The following ZNF417 variants were observed in gnomAD, a reference collection of about 807,000 sequenced individuals.
The protein encoded by ZNF417 is zinc finger protein 417.
ZNF417 carries 5 observed loss-of-function variants against 7.4 expected under a neutral mutation model. The observed-to-expected ratio is 0.68, with a 90% confidence interval of 0.35 to 1.43. The LOEUF (loss-of-function observed/expected upper bound fraction) is 1.43, where lower values mean the gene tolerates loss of function less well. ZNF417 is among the 40% of genes most tolerant of loss of function. The pLI, the probability that ZNF417 is intolerant of heterozygous loss-of-function variation, is 0.04. For missense variants in ZNF417, 437 were observed against 697.3 expected (o/e 0.63, Z 4.20); for synonymous variants, 147 against 239.1 (o/e 0.61, Z 3.55).
At chr19:57,914,670 C>G (rs2042906) in intron 1 of ZNF417, among the ~76,000 whole-genome samples, 54,060 of 151,954 alleles carry the variant, frequency 0.36, 10,980 homozygotes, top group African/African-American at 0.54. Context: ...GTGTGTGCAC[C>G]AAGGTCCAAC....
intron 2 of ZNF417, among the ~76,000 whole-genome samples, chr19:57,910,796 C>T (rs1030740346): frequency 2.6e-5 from 4 of 152,302 alleles, no homozygotes; most frequent in African/African-American, 9.6e-5. Flanking sequence ...GTAATCCCAG[C>T]ACTTTGCAAG....
At position 57,909,443 on chromosome 19, in the gene ZNF417, G is replaced by A. The variant is rs539665297; in HGVS notation, c.835C>T (p.Arg279Ter). The stretch of plus-strand genomic sequence containing the variant: ...TGATGTTGAATAAGGCTGCTCTTTC[G>A]ACTATAAGATTTCCCACACTCTCCA... Reference protein sequence around the residue: ...DCGECGKSYSRKSSLIQHQRV... With the variant: ...DCGECGKSYS Residue 279 changes from arginine (R) to a stop codon, truncating the protein, a stop_gained, in exon 3 of 3, where the codon CGA (arginine) becomes TGA (stop). Transcript: ENST00000312026. LOFTEE classifies it low-confidence loss of function (END_TRUNC). The A allele has an allele frequency of 1.8e-5, 29 of 1,613,766 alleles. No individual in the cohort carries two copies. The highest frequency in any genetic ancestry group is 6.6e-5 in the South Asian group (6 of 91,070).
intron 1 of ZNF417, chr19:57,915,409 T>G: frequency 2.7e-6 from 1 of 372,210 alleles, no homozygotes; most frequent in Non-Finnish European, 5.0e-6. Flanking sequence ...TCCAGACAGG[T>G]TCCATCCTCC....
intron 1 of ZNF417, among the ~76,000 whole-genome samples, chr19:57,913,004 G>C (rs2071913599): frequency 6.6e-6 from 1 of 151,784 alleles, no homozygotes; most frequent in Non-Finnish European, 1.5e-5. Flanking sequence ...TAACTCTGCT[G>C]GTAGGGATGG....
Position 57,906,729 on chromosome 19 carries a change from T to C in ZNF417, c.*1821A>G. ...TGAGCCGAGACCATGCCATTGCACT[T>C]CAGCCTGGGTGACAGAGTGAGACTC... On this transcript the variant is annotated 3_prime_UTR_variant, in exon 3 of 3. Coordinates refer to ENST00000312026, the MANE Select transcript of ZNF417 (RefSeq NM_152475.3). 1.1e-5 allele frequency: 1 copy of C among 92,218 alleles called. No homozygotes were observed. Among genetic ancestry groups the C allele is most frequent in the African/African-American group, 4.4e-5 (1 of 22,512 alleles). The allele number at this position is 92,218 out of a possible 1,614,324, so 5.7% of individuals were successfully genotyped here. A position where few individuals can be genotyped will look rare whatever the true frequency, so the allele number is the denominator to read the frequency against.
chr19:57,913,723 T>C (rs1346846503), intron 1 of ZNF417, among the ~76,000 whole-genome samples: 1 of 152,186 alleles, frequency 6.6e-6, no homozygotes, highest in African/African-American at 2.4e-5. Context: ...TTCCAAACTC[T>C]ACTGTCTGAT....
chr19:57,911,214 G>T (rs2071896524), intron 2 of ZNF417, among the ~76,000 whole-genome samples: 1 of 152,202 alleles, frequency 6.6e-6, no homozygotes, highest in Non-Finnish European at 1.5e-5. Context: ...TGGGTGAGAT[G>T]TGAGTATTAG....
In ZNF417 at chr19:57,916,395, G is replaced by C. The variant is rs1209929573; in HGVS notation, c.17C>G (p.Pro6Arg). Residue 6 changes from proline to arginine, a missense_variant, in exon 1 of 3, where the codon CCG (proline) becomes CGG (arginine). Pro to Arg is a moderately radical substitution (Grantham distance 103). This residue lies in a region of ZNF417 where 57 missense variants were observed against 70.7 expected (regional missense o/e 0.81). Coordinates refer to ENST00000312026, the MANE Select transcript of ZNF417 (RefSeq NM_152475.3). The stretch of plus-strand genomic sequence containing the variant: ...CACAATTACCTGAGTCGGGCGCCTC[G>C]GCGCAGCCGCTGCCATCGGACTACT... MAAAA[P>R]RRPTQQGTVT... 1 of 1,614,022 alleles carries C rather than the reference G, an allele frequency of 6.2e-7. No individual in the cohort carries two copies. Among genetic ancestry groups the C allele is most frequent in the African/African-American group, 1.3e-5 (1 of 74,958 alleles).
rs1380548813 is a variant in ZNF417, at chr19:57,909,786, C to G, written c.492G>C (p.Arg164Ser). ...GGAAGACAAATGGCTCCTGTGACAC[C>G]CTGAGCTTACGTTTCTTTACAAACG... ...EASFVKKRKLRVSQEPFVFRE... is the reference protein window; with the variant it reads ...EASFVKKRKLSVSQEPFVFRE... The change falls in exon 3 of 3, where the codon AGG becomes AGC. Residue 164 changes from arginine (R) to serine (S), a missense_variant. By Grantham distance (110) the Arg-to-Ser change is moderately radical (BLOSUM62 -1). Coordinates refer to ENST00000312026, the MANE Select transcript of ZNF417 (RefSeq NM_152475.3). 1 of 1,513,442 alleles carries G rather than the reference C, an allele frequency of 6.6e-7. No individual in the cohort carries two copies. The highest frequency in any genetic ancestry group is 1.9e-5 in the Admixed American group (1 of 51,540). The allele number at this position is 1,513,442 out of a possible 1,614,324, so 93.8% of individuals were successfully genotyped here.
intron 1 of ZNF417, among the ~76,000 whole-genome samples, chr19:57,912,424 C>T (rs75294658): frequency 0.024 from 3,726 of 152,236 alleles, 71 homozygotes; most frequent in Non-Finnish European, 0.042. Context: ...AAAGGTCCAT[C>T]CCCTTCTGAA....
At chr19:57,916,151 T>C (rs1225405537) in intron 1 of ZNF417, among the ~76,000 whole-genome samples, 4 of 152,196 alleles carry the variant, frequency 2.6e-5, no homozygotes, top group East Asian at 1.9e-4. Flanking sequence ...ATCGCAATTC[T>C]CCAGTCTTCA....
At position 57,906,905 on chromosome 19, in the gene ZNF417, G is replaced by A. The variant is rs1236843679; in HGVS notation, c.*1645C>T. 3.2e-5 allele frequency: 4 copies of A among 126,394 alleles called. No homozygotes were observed. Among genetic ancestry groups the A allele is most frequent in the African/African-American group, 1.2e-4 (4 of 32,670 alleles). 7.8% of individuals were successfully genotyped at this position (126,394 alleles called of 1,614,324 possible). On this transcript the variant is annotated 3_prime_UTR_variant, in exon 3 of 3. Coordinates refer to ENST00000312026, the MANE Select transcript of ZNF417 (RefSeq NM_152475.3). ...AGTCTCGCTCTGTCACCAGGCTGGA[G>A]TGCAGTGGTGCAATCTCGGCTCACT...
intron 2 of ZNF417, among the ~76,000 whole-genome samples, chr19:57,910,620 A>G (rs911118369): frequency 3.3e-5 from 5 of 152,148 alleles, no homozygotes; most frequent in Admixed American, 3.3e-4. Flanking sequence ...CACAGAATCC[A>G]GGAGGCCTCA....
intron 1 of ZNF417, chr19:57,915,787 C>A: frequency 2.4e-6 from 1 of 411,404 alleles, no homozygotes; most frequent in East Asian, 3.5e-5. Flanking sequence ...AGGGGTCATG[C>A]AGCTTCTGAC....
chr19:57,911,437 G>A (rs1475544882), intron 2 of ZNF417, among the ~76,000 whole-genome samples: 1 of 152,288 alleles, frequency 6.6e-6, no homozygotes, highest in East Asian at 1.9e-4. Flanking sequence ...GGCTCCCTTT[G>A]AGCCTATCGT....
In ZNF417 at chr19:57,911,983, A is replaced by C. The variant is rs183824247; in HGVS notation, c.163+77T>G. On this transcript the variant is annotated intron_variant, in intron 2 of 2. Transcript: ENST00000312026. ...CCTGTGTCCAGGCTCCTTAAGTGAG[A>C]AAGACAGTCCTGTCAATGAAAAACA... 150 of 1,519,046 alleles carry C rather than the reference A, an allele frequency of 9.9e-5. 1 individual carries two copies. In the African/African-American group the frequency reaches 1.9e-3, roughly 19 times the overall value. The allele number at this position is 1,519,046 out of a possible 1,614,324, so 94.1% of individuals were successfully genotyped here. A position where few individuals can be genotyped will look rare whatever the true frequency, so the allele number is the denominator to read the frequency against.
chr19:57,913,080 G>A (rs1472046456), intron 1 of ZNF417, among the ~76,000 whole-genome samples: 1 of 151,798 alleles, frequency 6.6e-6, no homozygotes, highest in Non-Finnish European at 1.5e-5. Context: ...AAAACGGGCT[G>A]TTAGGCTAGG....
In ZNF417 at chr19:57,906,187, C is replaced by T. The variant is rs10419802; in HGVS notation, c.*2363G>A. ...GGTGTATGGTCATAATTTGTTTGAA[C>T]GAGCCCTTTTAAACTTCTAGATATC... On this transcript the variant is annotated 3_prime_UTR_variant, in exon 3 of 3. Coordinates refer to ENST00000312026, the MANE Select transcript of ZNF417 (RefSeq NM_152475.3). 0.014 allele frequency among the ~76,000 whole-genome samples: 2,158 copies of T among 152,214 alleles called. 44 individuals carry two copies. The highest frequency in any genetic ancestry group is 0.049 in the African/African-American group (2,045 of 41,526).
chr19:57,914,329 T>C (rs1216912912), intron 1 of ZNF417, among the ~76,000 whole-genome samples: 1 of 151,384 alleles, frequency 6.6e-6, no homozygotes, highest in Non-Finnish European at 1.5e-5. Context: ...CTACTAAAAA[T>C]ACAAAAATTA....
Sources: allele counts gnomAD v4.1 joint callset (sites outside exome capture counted in the v4.1 genomes callset), GRCh38; gene constraint gnomAD v4.1.1; regional missense constraint gnomAD v4.1.1; transcripts MANE v1.5; gene names NCBI Gene and HGNC (gene_info 2026-07-23, HGNC 2026-07-21).